The following FANK1 variants were observed in gnomAD, a reference collection of about 807,000 sequenced individuals.
FANK1 encodes fibronectin type 3 and ankyrin repeat domains protein 1.
Under a neutral mutation model 45.3 loss-of-function variants are expected in FANK1, and 44 were observed. That is an observed-to-expected ratio of 0.97 (90% confidence interval 0.76 to 1.25). The LOEUF (loss-of-function observed/expected upper bound fraction) is 1.25. Among genes scored for constraint, FANK1 ranks in the 50% most tolerant of loss-of-function variants. FANK1 has a pLI of 0.00. For missense variants in FANK1, 391 were observed against 424.4 expected (o/e 0.92, Z 0.69); for synonymous variants, 149 against 152.5 (o/e 0.98, Z 0.17).
chr10:125,983,983 G>GT lies in FANK1; in HGVS notation c.191+3646dup, dbSNP rs1436000139. Among the ~76,000 whole-genome samples, 1 of 152,210 alleles carries GT rather than the reference G, an allele frequency of 6.6e-6. No individual in the cohort carries two copies. Among genetic ancestry groups the GT allele is most frequent in the Non-Finnish European group, 1.5e-5 (1 of 68,036 alleles). On this transcript the variant is annotated intron_variant, in intron 2 of 10. Transcript: ENST00000368693. The surrounding 1 kb of genome is among the most constrained non-coding windows in gnomAD (Gnocchi z 4.3). ...GGGAGACAACACAACAGTGTGGAAA[G>GT]TGGGAGGATGCAGGATATGCTTTAA...
chr10:125,911,401 A>C (rs550276632), intron 1 of FANK1, among the ~76,000 whole-genome samples: 1 of 152,336 alleles, frequency 6.6e-6, no homozygotes, highest in Non-Finnish European at 1.5e-5. Flanking sequence ...CTGGGCTCAT[A>C]ATAAGATAAG....
At chr10:125,977,639 G>A (rs528068723) in intron 1 of FANK1, among the ~76,000 whole-genome samples, 82 of 152,216 alleles carry the variant, frequency 5.4e-4, no homozygotes, top group Non-Finnish European at 9.3e-4. Flanking sequence ...AGCAGGGGTT[G>A]TGGCCGGGGG....
intron 2 of FANK1, 140 bp from the exon 3 acceptor site, chr10:125,988,411 G>A (rs1021192628): frequency 1.4e-5 from 16 of 1,176,228 alleles, no homozygotes; most frequent in African/African-American, 3.1e-5. Context: ...TCATTCTCTC[G>A]GAGTTCAGCA....
intron 2 of FANK1, 46 bp from the exon 3 acceptor site, chr10:125,988,505 A>G: frequency 6.2e-7 from 1 of 1,602,742 alleles, no homozygotes; most frequent in Non-Finnish European, 8.5e-7. Context: ...GAGAGTGCAG[A>G]TTAAGCTACC....
At position 125,996,484 on chromosome 10, in the gene FANK1, C is replaced by T. The variant is rs902758035; in HGVS notation, c.399-66C>T. The T allele has an allele frequency of 1.1e-5, 16 of 1,491,750 alleles. 1 individual carries two copies. The South Asian group carries it at 1.7e-4, about 15-fold the overall frequency. 92.4% of individuals were successfully genotyped at this position (1,491,750 alleles called of 1,614,324 possible). A position where few individuals can be genotyped will look rare whatever the true frequency, so the allele number is the denominator to read the frequency against. On this transcript the variant is annotated intron_variant, in intron 4 of 10. Coordinates refer to ENST00000368693, the MANE Select transcript of FANK1 (RefSeq NM_145235.5). ...TTTACCCACCTAAGCCCTGTGAGAACCACCGGCTTTGACTCTGCAGTAGCT... is the reference window on the plus strand; with the variant it reads ...TTTACCCACCTAAGCCCTGTGAGAATCACCGGCTTTGACTCTGCAGTAGCT...
chr10:125,909,466 T>G (rs1945811078), intron 1 of FANK1, among the ~76,000 whole-genome samples: 1 of 152,086 alleles, frequency 6.6e-6, no homozygotes, highest in African/African-American at 2.4e-5. Flanking sequence ...TTCGGCTTAA[T>G]TTGCTGGGAT....
chr10:125,971,882 A>C (rs1470915073), intron 1 of FANK1, among the ~76,000 whole-genome samples: 1 of 152,088 alleles, frequency 6.6e-6, no homozygotes, highest in Non-Finnish European at 1.5e-5. Context: ...TTGGCCTCCG[A>C]AAGTAAAGTG....
chr10:125,994,498 G>A (rs1246455759), intron 3 of FANK1: 1 of 985,246 alleles, frequency 1.0e-6, no homozygotes, highest in Non-Finnish European at 1.2e-6. Context: ...AGAAGTGGTG[G>A]GGCTGTATCC....
chr10:126,006,641 C>T (rs2133356190), intron 7 of FANK1, among the ~76,000 whole-genome samples: 1 of 152,334 alleles, frequency 6.6e-6, no homozygotes, highest in East Asian at 1.9e-4. Context: ...GGGTGGATCA[C>T]TTGAGGTCAG....
intron 3 of FANK1, 92 bp downstream of exon 3, chr10:125,988,767 T>C (rs1951733749): frequency 6.3e-7 from 1 of 1,584,626 alleles, no homozygotes; most frequent in Non-Finnish European, 8.7e-7. Context: ...CGTTTGGCCT[T>C]ACCAGAAGCA....
At chr10:125,945,935 C>T (rs1198057981) in intron 1 of FANK1, among the ~76,000 whole-genome samples, 1 of 152,148 alleles carries the variant, frequency 6.6e-6, no homozygotes. Context: ...TCAAGTGGGT[C>T]CCTGACCACT....
At chr10:126,007,986 C>T (rs1211166232) in intron 7 of FANK1, among the ~76,000 whole-genome samples, 1 of 151,948 alleles carries the variant, frequency 6.6e-6, no homozygotes, top group African/African-American at 2.4e-5. Context: ...AGGTCTCCTG[C>T]CTAAAATTGA....
chr10:125,901,720 A>G (rs1436523363), intron 1 of FANK1, among the ~76,000 whole-genome samples: 1 of 152,234 alleles, frequency 6.6e-6, no homozygotes, highest in Non-Finnish European at 1.5e-5. Context: ...CACCTCCTGC[A>G]ACCCTTCCCT....
At position 125,919,195 on chromosome 10, in the gene FANK1, A is replaced by ATTTTTTTTTTTTTTTTTTTTTTTTTTTT. The variant is rs142716284; in HGVS notation, c.13+22541_13+22568dup. The stretch of plus-strand genomic sequence containing the variant: ...AGTAAAATACTTCCAGGAGGTAAGA[A>ATTTTTTTTTTTTTTTTTTTTTTTTTTTT]TTTTTTTTTTTTTTTTTTTTTTTTT... On this transcript the variant is annotated intron_variant, in intron 1 of 10. Transcript: ENST00000368693. Among the ~76,000 whole-genome samples the ATTTTTTTTTTTTTTTTTTTTTTTTTTTT allele has an allele frequency of 6.4e-4, 33 of 51,880 alleles. 5 individuals are homozygous for ATTTTTTTTTTTTTTTTTTTTTTTTTTTT. Among genetic ancestry groups the ATTTTTTTTTTTTTTTTTTTTTTTTTTTT allele is most frequent in the Admixed American group, 1.1e-3 (3 of 2,790 alleles). The allele number at this position is 51,880 out of a possible 152,430, so 34.0% of individuals were successfully genotyped here.
At chr10:126,006,839 G>A (rs1953254312) in intron 7 of FANK1, among the ~76,000 whole-genome samples, 1 of 152,204 alleles carries the variant, frequency 6.6e-6, no homozygotes. Context: ...CAGCCTGGGT[G>A]ACAGAGTGAG....
intron 3 of FANK1, 104 bp from the exon 4 acceptor site, chr10:125,995,313 C>A (rs112629820): frequency 1.0e-6 from 1 of 976,156 alleles, no homozygotes. Context: ...AATAGCCAAG[C>A]GCCTTCCTGA....
intron 6 of FANK1, among the ~76,000 whole-genome samples, chr10:126,003,952 A>G (rs1952974138): frequency 6.6e-6 from 1 of 152,204 alleles, no homozygotes; most frequent in Non-Finnish European, 1.5e-5. Flanking sequence ...CTAGGATTAC[A>G]GGGGTGAACC....
intron 1 of FANK1, among the ~76,000 whole-genome samples, chr10:125,927,341 T>C (rs1405183349): frequency 6.6e-6 from 1 of 152,218 alleles, no homozygotes; most frequent in African/African-American, 2.4e-5. Context: ...GTTTTCCTAT[T>C]ATTCGCTTTA....
At chr10:125,976,360 C>G (rs1208681100) in intron 1 of FANK1, among the ~76,000 whole-genome samples, 1 of 152,158 alleles carries the variant, frequency 6.6e-6, no homozygotes, top group African/African-American at 2.4e-5. Flanking sequence ...GTAGGTCCCT[C>G]TAGTAAGGTT....
Sources: gnomAD v4.1 joint callset for allele counts (sites outside exome capture counted in the v4.1 genomes callset) on GRCh38, gnomAD v4.1.1 for gene constraint, Gnocchi (gnomAD v3.1) non-coding constraint, MANE v1.5 for transcripts, NCBI Gene and HGNC (gene_info 2026-07-23, HGNC 2026-07-21) for gene names.